Variants in AFAP1L1 observed in about 807,000 individuals in gnomAD.
The protein encoded by AFAP1L1 is actin filament associated protein 1 like 1.
Under a neutral mutation model 99.8 loss-of-function variants are expected in AFAP1L1, and 77 were observed. That is an observed-to-expected ratio of 0.77 (90% CI 0.64 to 0.93). The LOEUF is 0.93. Ranked by LOEUF, AFAP1L1 falls within the 40% of genes least tolerant of loss-of-function variation. AFAP1L1 has a pLI of 0.00. For synonymous variants in AFAP1L1, 373 were observed against 395.3 expected, an observed-to-expected ratio of 0.94 and a Z score of 0.67; for missense variants, 893 against 996.8, an observed-to-expected ratio of 0.90 and a Z score of 1.40.
At position 149,315,884 on chromosome 5, in the gene AFAP1L1, AC is replaced by A; in HGVS notation, c.1087del (p.Gly364AlafsTer19). 6.2e-7 allele frequency: 1 copy of A among 1,613,936 alleles called. No individual in the cohort carries two copies. The highest frequency in any genetic ancestry group is 8.5e-7 in the Non-Finnish European group (1 of 1,179,992). On this transcript the variant is annotated frameshift_variant, in exon 10 of 19. Transcript: ENST00000296721. LOFTEE classifies it high-confidence loss of function. ...CGTGGGTGTGGGTGACAACTGTTCT[AC>A]CCTTGGCCGCCGGGAGACCTGTGAT... ...DSVGVGDNCS[T>X]LGRRETCDHG...
chr5:149,337,418 AC>A (rs774078619), intron 18 of AFAP1L1, among the ~76,000 whole-genome samples: 86 of 152,364 alleles, frequency 5.6e-4, no homozygotes, highest in Non-Finnish European at 1.1e-3. Flanking sequence ...CAAATTAGAA[AC>A]ATAATAAAAG....
At chr5:149,299,695 C>A in intron 2 of AFAP1L1, 58 bp downstream of exon 2, 1 of 1,608,390 alleles carries the variant, frequency 6.2e-7, no homozygotes. Flanking sequence ...ACAAAACCTC[C>A]CTTCACTGAC....
At chr5:149,332,639 T>C in intron 16 of AFAP1L1, 56 bp from the exon 17 acceptor site, 1 of 1,559,120 alleles carries the variant, frequency 6.4e-7, no homozygotes, top group Non-Finnish European at 8.7e-7. Flanking sequence ...CCCTGCCAGA[T>C]TCCCTGACAT....
At chr5:149,328,787 C>A (rs1392291540) in intron 15 of AFAP1L1, among the ~76,000 whole-genome samples, 2 of 152,086 alleles carry the variant, frequency 1.3e-5, no homozygotes, top group Non-Finnish European at 2.9e-5. Context: ...GCACTTCAGC[C>A]TGGGTGACAG....
chr5:149,335,788 C>A (rs953502432), intron 18 of AFAP1L1, 66 bp downstream of exon 18: 71 of 1,570,754 alleles, frequency 4.5e-5, no homozygotes, highest in Non-Finnish European at 4.5e-5. Context: ...GGAACTTCAC[C>A]CAAAACCAAA....
intron 7 of AFAP1L1, among the ~76,000 whole-genome samples, chr5:149,308,478 T>A (rs1756504099): frequency 6.6e-6 from 1 of 152,240 alleles, no homozygotes; most frequent in African/African-American, 2.4e-5. Context: ...AGGATTTTTT[T>A]ATATTTACCA....
chr5:149,284,655 G>C (rs1755622801), intron 1 of AFAP1L1, among the ~76,000 whole-genome samples: 1 of 152,210 alleles, frequency 6.6e-6, no homozygotes, highest in Non-Finnish European at 1.5e-5. Flanking sequence ...GGAGTGCATG[G>C]GGCACGTGAG....
intron 7 of AFAP1L1, among the ~76,000 whole-genome samples, chr5:149,308,646 A>G (rs566365918): frequency 6.6e-6 from 1 of 152,186 alleles, no homozygotes; most frequent in Non-Finnish European, 1.5e-5. Flanking sequence ...TTCTCACTCC[A>G]GGGCGGCACT....
intron 14 of AFAP1L1, among the ~76,000 whole-genome samples, chr5:149,321,722 C>CA (rs57366142): frequency 0.079 from 5,008 of 63,540 alleles, 274 homozygotes; most frequent in African/African-American, 0.09. Context: ...GACTCTGTCT[C>CA]AAAAAAAAAA....
At position 149,316,121 on chromosome 5, in the gene AFAP1L1, C is replaced by T. The variant is rs781405915; in HGVS notation, c.1115-30C>T. ...AAGGATGGGTGGGACTCAGGGCTCC[C>T]TCCACTCCCCTGACCCATTTCCCCA... is the stretch of plus-strand genomic sequence containing the variant. On this transcript the variant is annotated intron_variant, in intron 10 of 18. Transcript: ENST00000296721. The T allele has an allele frequency of 1.6e-5, 26 of 1,603,904 alleles. No individual in the cohort carries two copies. The South Asian group carries it at 2.1e-4, about 13-fold the overall frequency.
rs548292030 is a variant in AFAP1L1, at chr5:149,286,371, GCAAA to G, written c.17-13131_17-13128del. 4.4e-3 allele frequency among the ~76,000 whole-genome samples: 663 copies of G among 152,260 alleles called. 6 individuals carry two copies. The highest frequency in any genetic ancestry group is 0.015 in the African/African-American group (626 of 41,546). On this transcript the variant is annotated intron_variant, in intron 1 of 18. Transcript: ENST00000296721. Reference sequence around the variant, plus strand: ...GAACAGATTATGCAGAGGAAATGCCGCAAACAAACAGCACCAGGGTAGGGTCTCA... The same window carrying G: ...GAACAGATTATGCAGAGGAAATGCCGCAAACAGCACCAGGGTAGGGTCTCA...
chr5:149,328,515 G>T (rs2127602695), intron 15 of AFAP1L1, among the ~76,000 whole-genome samples: 1 of 152,228 alleles, frequency 6.6e-6, no homozygotes, highest in Non-Finnish European at 1.5e-5. Context: ...ATTAATTACA[G>T]TAAGTTTTGT....
intron 1 of AFAP1L1, among the ~76,000 whole-genome samples, chr5:149,285,740 T>C (rs1013972380): frequency 1.3e-5 from 2 of 152,182 alleles, no homozygotes; most frequent in African/African-American, 4.8e-5. Context: ...TCACTCCTGA[T>C]CCATGTCTGC....
At chr5:149,293,704 C>G (rs998482868) in intron 1 of AFAP1L1, among the ~76,000 whole-genome samples, 1 of 152,170 alleles carries the variant, frequency 6.6e-6, no homozygotes, top group Non-Finnish European at 1.5e-5. Flanking sequence ...TAGAAAATAA[C>G]AACAATGACA....
At chr5:149,316,336 A>T (rs1756797380) in intron 11 of AFAP1L1, 33 bp downstream of exon 11, 1 of 1,601,616 alleles carries the variant, frequency 6.2e-7, no homozygotes, top group African/African-American at 1.3e-5. Context: ...AAGGGTGCTC[A>T]GGTCCTGTGT....
At chr5:149,331,049 C>G (rs1221678548) in intron 16 of AFAP1L1, among the ~76,000 whole-genome samples, 1 of 152,020 alleles carries the variant, frequency 6.6e-6, no homozygotes, top group African/African-American at 2.4e-5. Context: ...CACAGCCTCC[C>G]TCAGGGCAAA....
At chr5:149,288,365 CAG>C (rs1460610221) in intron 1 of AFAP1L1, among the ~76,000 whole-genome samples, 1 of 152,210 alleles carries the variant, frequency 6.6e-6, no homozygotes, top group South Asian at 2.1e-4. Flanking sequence ...CAGGCAAAAA[CAG>C]AACCTACCTC....
chr5:149,275,391 C>T (rs1250891368), intron 1 of AFAP1L1, among the ~76,000 whole-genome samples: 5 of 152,182 alleles, frequency 3.3e-5, no homozygotes, highest in Admixed American at 3.3e-4. Flanking sequence ...CACTTTTTGC[C>T]ATGTCCCTTC....
intron 1 of AFAP1L1, among the ~76,000 whole-genome samples, chr5:149,287,196 A>G (rs371231569): frequency 2.0e-4 from 30 of 152,218 alleles, no homozygotes; most frequent in African/African-American, 7.2e-4. Flanking sequence ...TTAAAGAAAA[A>G]GTCACAAAAG....
Sources: gnomAD v4.1 joint callset for allele counts (sites outside exome capture counted in the v4.1 genomes callset) on GRCh38, gnomAD v4.1.1 for gene constraint, MANE v1.5 for transcripts, NCBI Gene and HGNC (gene_info 2026-07-23, HGNC 2026-07-21) for gene names.